The following UTP6 variants were observed in gnomAD, a reference collection of about 807,000 sequenced individuals.
The protein encoded by UTP6 is UTP6 small subunit processome component.
A neutral mutation model predicts 96.5 loss-of-function variants in UTP6; 60 were observed. The ratio of observed to expected loss-of-function variants is 0.62; its 90% CI spans 0.51 to 0.77. UTP6 has a LOEUF of 0.77. Ranked by LOEUF, UTP6 falls within the 30% of genes least tolerant of loss-of-function variation. The probability of loss-of-function intolerance (pLI) is 0.00; values close to 1 mark genes in which losing one functional copy is unlikely to be tolerated. For synonymous variants in UTP6, 215 were observed against 240.1 expected (o/e 0.90, Z 0.96); for missense variants, 637 against 706.5 (o/e 0.90, Z 1.12).
In UTP6 at chr17:31,878,821, G is replaced by A. The variant is rs748364517; in HGVS notation, c.968-40C>T. 86 of 1,567,720 alleles carry A rather than the reference G, an allele frequency of 5.5e-5. 1 individual carries two copies. In the Admixed American group the frequency reaches 1.4e-3, roughly 25 times the overall value. On this transcript the variant is annotated intron_variant, in intron 11 of 18. Coordinates refer to ENST00000261708, the MANE Select transcript of UTP6 (RefSeq NM_018428.3). ...AAGATTGTGTTGATCAGATCACTTA[G>A]TTCAACATTCATCACATCAAAGTTA...
rs943454972 is a variant in UTP6 at position 31,863,182 on chromosome 17, A to C, written c.*177T>G. The stretch of plus-strand genomic sequence containing the variant: ...AGAGCAAGACCCAGTCTCAATCATA[A>C]AAATTTTTTAATTTTTAAAAAGATT... On this transcript the variant is annotated 3_prime_UTR_variant, in exon 19 of 19. Coordinates refer to ENST00000261708, the MANE Select transcript of UTP6 (RefSeq NM_018428.3). 1.0e-5 allele frequency: 7 copies of C among 680,814 alleles called. No homozygotes were observed. In the African/African-American group the frequency reaches 1.3e-4, roughly 12 times the overall value. The allele number at this position is 680,814 out of a possible 1,614,324, so 42.2% of individuals were successfully genotyped here.
Position 31,861,838 on chromosome 17 carries a change from G to C in UTP6, c.*1521C>G, listed in dbSNP as rs771281325. 1 of 152,096 alleles carries C rather than the reference G, an allele frequency of 6.6e-6. No individual in the cohort carries two copies. The highest frequency in any genetic ancestry group is 1.5e-5 in the Non-Finnish European group (1 of 68,030). The allele number at this position is 152,096 out of a possible 1,614,324, so 9.4% of individuals were successfully genotyped here. A position where few individuals can be genotyped will look rare whatever the true frequency, so the allele number is the denominator to read the frequency against. On this transcript the variant is annotated 3_prime_UTR_variant, in exon 19 of 19. Transcript: ENST00000261708. Reference sequence around the variant, plus strand: ...CACTTTCATGTATTGCTTGAAAGAAGGAGCAAACCAGCAATACATATCAGT... The same window carrying C: ...CACTTTCATGTATTGCTTGAAAGAACGAGCAAACCAGCAATACATATCAGT...
At chr17:31,895,602 C>T (rs1904586849) in intron 2 of UTP6, among the ~76,000 whole-genome samples, 2 of 151,922 alleles carry the variant, frequency 1.3e-5, no homozygotes, top group South Asian at 4.2e-4. Flanking sequence ...GGCATAATCT[C>T]GGCTCACTGC....
chr17:31,872,949 G>A (rs986326798), intron 16 of UTP6, among the ~76,000 whole-genome samples: 1 of 151,346 alleles, frequency 6.6e-6, no homozygotes, highest in Non-Finnish European at 1.5e-5. Context: ...AAAAAAAAAG[G>A]AAAATGAAAC....
chr17:31,892,656 C>T, intron 5 of UTP6, 91 bp downstream of exon 5: 1 of 1,524,796 alleles, frequency 6.6e-7, no homozygotes, highest in Admixed American at 1.8e-5. Flanking sequence ...GTTAACCCTA[C>T]ACTTCAGGAA....
intron 5 of UTP6, 122 bp from the exon 6 acceptor site, chr17:31,892,445 A>G (rs1904376303): frequency 3.0e-6 from 3 of 1,015,898 alleles, no homozygotes; most frequent in Non-Finnish European, 4.4e-6. Flanking sequence ...TGCTATTGCT[A>G]GGGATATATA....
chr17:31,899,627 T>G lies in UTP6; in HGVS notation c.177+19A>C, dbSNP rs1318963947. 2 of 1,547,848 alleles carry G rather than the reference T, an allele frequency of 1.3e-6. No homozygotes were observed. Among genetic ancestry groups the G allele is most frequent in the Non-Finnish European group, 1.7e-6 (2 of 1,149,176 alleles). On this transcript the variant is annotated intron_variant, in intron 2 of 18. Coordinates refer to ENST00000261708, the MANE Select transcript of UTP6 (RefSeq NM_018428.3). ...AACAAAAAAGAAAAAAAGAAAGAAATTATTAATTACACACTTACTTGAACA... is the reference window on the plus strand; with the variant it reads ...AACAAAAAAGAAAAAAAGAAAGAAAGTATTAATTACACACTTACTTGAACA...
chr17:31,884,345 T>G, intron 10 of UTP6, 79 bp downstream of exon 10: 1 of 1,172,700 alleles, frequency 8.5e-7, no homozygotes, highest in Non-Finnish European at 1.2e-6. Context: ...TTCTTTCTCT[T>G]CTACTAAATA....
In UTP6 at chr17:31,875,347, A is replaced by G. The variant is rs1910437899; in HGVS notation, c.1192T>C (p.Leu398=). 2 of 1,614,048 alleles carry G rather than the reference A, an allele frequency of 1.2e-6. No individual in the cohort carries two copies. Among genetic ancestry groups the G allele is most frequent in the African/African-American group, 2.7e-5 (2 of 74,916 alleles). The change falls in exon 14 of 19, where the codon TTG becomes CTG. Residue 398 remains leucine, a synonymous_variant. Coordinates refer to ENST00000261708, the MANE Select transcript of UTP6 (RefSeq NM_018428.3). ...CACATTGTCCCAGAGTCTCTAAACA[A>G]TTCAGTTCCAGCTACTGCCACTTCC... ...ALEVAVAGTE[L]FRDSGTMWQL...
In UTP6 at chr17:31,901,619, C is replaced by A. The variant is rs1904986648; in HGVS notation, c.9G>T (p.Glu3Asp). 6.2e-7 allele frequency: 1 copy of A among 1,613,840 alleles called. No individual in the cohort carries two copies. The highest frequency in any genetic ancestry group is 1.6e-4 in the Middle Eastern group (1 of 6,062). ...GATCTTCTATGCGTTCCTGAATTAT[C>A]TCTGCCATGAGGTCCGAGGTCTACA... MAEIIQERIEDRL... is the reference protein window; with the variant it reads MADIIQERIEDRL... The change falls in exon 1 of 19, where the codon GAG (glutamate) becomes GAT (aspartate). Residue 3 changes from glutamate to aspartate, a missense_variant. Glu to Asp is a conservative substitution (Grantham distance 45, BLOSUM62 2). Transcript: ENST00000261708.
intron 13 of UTP6, among the ~76,000 whole-genome samples, chr17:31,876,347 T>C (rs1045155744): frequency 1.4e-5 from 2 of 145,786 alleles, no homozygotes; most frequent in Non-Finnish European, 3.0e-5. Flanking sequence ...TATAAGTTTT[T>C]AATAAAACAG....
At chr17:31,890,639 A>G (rs1377585374) in intron 6 of UTP6, among the ~76,000 whole-genome samples, 1 of 150,466 alleles carries the variant, frequency 6.6e-6, no homozygotes, top group East Asian at 2.0e-4. Flanking sequence ...TCCAGAAAAA[A>G]CTGCTTATCT....
chr17:31,882,184 C>T (rs938799673), intron 10 of UTP6, among the ~76,000 whole-genome samples: 1 of 149,558 alleles, frequency 6.7e-6, no homozygotes, highest in African/African-American at 2.5e-5. Flanking sequence ...GCATGTGACA[C>T]CACACCCAGC....
intron 7 of UTP6, 146 bp from the exon 8 acceptor site, chr17:31,887,459 T>G: frequency 1.6e-6 from 1 of 616,412 alleles, no homozygotes; most frequent in Non-Finnish European, 2.9e-6. Flanking sequence ...GTGATCCCCT[T>G]GCCTCAGCTT....
At chr17:31,886,233 G>A (rs540789795) in intron 8 of UTP6, among the ~76,000 whole-genome samples, 172 bp from the exon 9 acceptor site, 6 of 152,272 alleles carry the variant, frequency 3.9e-5, no homozygotes, top group Non-Finnish European at 7.4e-5. Context: ...CAAGATCACT[G>A]ACCTTCCAAC....
chr17:31,895,246 A>T (rs1399440016), intron 2 of UTP6, among the ~76,000 whole-genome samples: 1 of 152,246 alleles, frequency 6.6e-6, no homozygotes, highest in Non-Finnish European at 1.5e-5. Flanking sequence ...TTATTCCATG[A>T]AATATTTCAA....
At chr17:31,879,914 T>C (rs1165622983) in intron 11 of UTP6, among the ~76,000 whole-genome samples, 2 of 151,958 alleles carry the variant, frequency 1.3e-5, no homozygotes, top group Non-Finnish European at 2.9e-5. Context: ...AAGACCAGCC[T>C]GGCCAACATG....
intron 13 of UTP6, among the ~76,000 whole-genome samples, chr17:31,876,069 T>C (rs1214821092): frequency 6.6e-6 from 1 of 151,856 alleles, no homozygotes; most frequent in Non-Finnish European, 1.5e-5. Context: ...AGTTTTGCTC[T>C]GTAACCCAGC....
chr17:31,883,912 A>C (rs1170059495), intron 10 of UTP6, among the ~76,000 whole-genome samples: 1 of 151,470 alleles, frequency 6.6e-6, no homozygotes, highest in Non-Finnish European at 1.5e-5. Flanking sequence ...CAAGGGATCC[A>C]CCTGCCTTGG....
Sources: allele counts gnomAD v4.1 joint callset (sites outside exome capture counted in the v4.1 genomes callset), GRCh38; gene constraint gnomAD v4.1.1; transcripts MANE v1.5; gene names NCBI Gene and HGNC (gene_info 2026-07-23, HGNC 2026-07-21).